Variants in ELAVL2 observed in about 807,000 individuals in gnomAD.
ELAVL2 encodes the protein ELAV like RNA binding protein 2, also known as ELAV-like protein 2.
A neutral mutation model predicts 34.6 loss-of-function variants in ELAVL2; 4 were observed. The ratio of observed to expected loss-of-function variants is 0.12; its 90% confidence interval spans 0.06 to 0.26. The LOEUF is 0.26. Ranked by LOEUF, ELAVL2 falls within the 10% of genes least tolerant of loss-of-function variation. The pLI is 1.00. For missense variants in ELAVL2, 432 were observed against 442.8 expected, an observed-to-expected ratio of 0.98 and a Z score of 0.22; for synonymous variants, 193 against 154.8, an observed-to-expected ratio of 1.25 and a Z score of -1.83.
intron 2 of ELAVL2, among the ~76,000 whole-genome samples, chr9:23,748,442 G>A (rs1470131943): frequency 1.3e-5 from 2 of 152,052 alleles, no homozygotes; most frequent in African/African-American, 2.4e-5. Flanking sequence ...AAGTATGAAG[G>A]CAGAGAAGAC....
intron 3 of ELAVL2, among the ~76,000 whole-genome samples, chr9:23,727,014 C>G (rs544997079): frequency 6.6e-6 from 1 of 152,180 alleles, no homozygotes; most frequent in South Asian, 2.1e-4. Context: ...ATTACTCCCC[C>G]ACCCCCATGC....
intron 5 of ELAVL2, among the ~76,000 whole-genome samples, chr9:23,695,676 G>A (rs2034903260): frequency 6.6e-6 from 1 of 152,138 alleles, no homozygotes; most frequent in Non-Finnish European, 1.5e-5. Context: ...ACATGTCACT[G>A]TACTGAATAC....
intron 1 of ELAVL2, chr9:23,821,817 T>C (rs1184525197): frequency 1.3e-5 from 2 of 151,382 alleles, no homozygotes; most frequent in Non-Finnish European, 3.0e-5. Context: ...ACTGCCTCAG[T>C]GACGCCCAGG....
intron 1 of ELAVL2, among the ~76,000 whole-genome samples, chr9:23,769,806 G>C (rs1380281205): frequency 1.3e-5 from 2 of 152,122 alleles, no homozygotes; most frequent in Admixed American, 1.3e-4. Flanking sequence ...CTGTCTCTTG[G>C]CCCTTTATGA....
In ELAVL2 at chr9:23,704,249, T is replaced by C. The variant is rs530632165; in HGVS notation, c.487+669A>G. ...GCCTGGCCAAGTATTGCTTTTATAA[T>C]AGAAAATTGTATCTGTATTTTATTT... On this transcript the variant is annotated intron_variant, in intron 4 of 6. Transcript: ENST00000397312. 5.3e-5 allele frequency among the ~76,000 whole-genome samples: 8 copies of C among 152,028 alleles called. No homozygotes were observed. The South Asian group carries it at 1.7e-3, about 32-fold the overall frequency.
chr9:23,724,895 A>G (rs900769680), intron 3 of ELAVL2, among the ~76,000 whole-genome samples: 11 of 152,106 alleles, frequency 7.2e-5, no homozygotes, highest in African/African-American at 2.4e-4. Context: ...GTCTGGATAA[A>G]TAACAGTTAT....
intron 2 of ELAVL2, among the ~76,000 whole-genome samples, chr9:23,749,680 G>A (rs895467772): frequency 1.3e-4 from 20 of 151,966 alleles, no homozygotes; most frequent in African/African-American, 4.6e-4. Context: ...GTGACTTTTG[G>A]GATATTGTTA....
chr9:23,837,538 G>A, the ELAVL2 span, among the ~76,000 whole-genome samples: 12,065 of 152,122 alleles, frequency 0.079, 875 homozygotes, highest in Admixed American at 0.18. Context: ...TACAGATAAG[G>A]AAACTGAGGA....
At chr9:23,826,266 A>G (rs1452826614), upstream of ELAVL2, 3 of 152,324 alleles carry the variant, frequency 2.0e-5, no homozygotes, top group Non-Finnish European at 4.4e-5. Flanking sequence ...TGGACCACAG[A>G]TTTATAGCAC....
At chr9:23,766,975 C>T (rs1588268113) in intron 1 of ELAVL2, among the ~76,000 whole-genome samples, 1 of 152,132 alleles carries the variant, frequency 6.6e-6, no homozygotes, top group African/African-American at 2.4e-5. Flanking sequence ...AATATATATT[C>T]TCCTCTTAAT....
At chr9:23,771,863 T>C (rs1362562819) in intron 1 of ELAVL2, among the ~76,000 whole-genome samples, 1 of 152,182 alleles carries the variant, frequency 6.6e-6, no homozygotes, top group South Asian at 2.1e-4. Context: ...GGTTAAGCCA[T>C]GAGATAACTC....
chr9:23,756,058 T>C (rs1016338744), intron 2 of ELAVL2, among the ~76,000 whole-genome samples: 9 of 152,136 alleles, frequency 5.9e-5, no homozygotes, highest in Non-Finnish European at 2.9e-5. Flanking sequence ...TCTGTTTCAA[T>C]CCTGAGGAGC....
intron 2 of ELAVL2, chr9:23,735,105 CAAAAAAAAAAAA>C: frequency 7.2e-5 from 2 of 27,952 alleles, no homozygotes; most frequent in African/African-American, 1.4e-4. Context: ...TAAGGCTCTT[CAAAAAAAAAAAA>C]AAAAAAAAAA....
At chr9:23,734,621 C>T (rs537372489) in intron 2 of ELAVL2, among the ~76,000 whole-genome samples, 13 of 152,256 alleles carry the variant, frequency 8.5e-5, no homozygotes, top group South Asian at 2.1e-4. Flanking sequence ...ACACTTTTAC[C>T]GCAAAAGTTG....
At chr9:23,770,424 A>G (rs899904392) in intron 1 of ELAVL2, among the ~76,000 whole-genome samples, 1 of 152,156 alleles carries the variant, frequency 6.6e-6, no homozygotes, top group Non-Finnish European at 1.5e-5. Flanking sequence ...GTTATGTTAC[A>G]TGACAAGGGG....
At position 23,701,436 on chromosome 9, in the gene ELAVL2, T is replaced by G; in HGVS notation, c.656A>C (p.Tyr219Ser). ...KTNQAILSQLYQSPNRRYPGP... is the reference protein window; with the variant it reads ...KTNQAILSQLSQSPNRRYPGP... The stretch of plus-strand genomic sequence containing the variant: ...TGGATACCTTCTGTTTGGAGACTGG[T>G]ACAGCTGGGAAAGGATGGCCTGATT... Residue 219 changes from tyrosine (Y) to serine (S), a missense_variant, in exon 5 of 7, where the codon TAC becomes TCC. Coordinates refer to ENST00000397312, the MANE Select transcript of ELAVL2 (RefSeq NM_004432.5). The G allele has an allele frequency of 1.2e-6, 2 of 1,614,130 alleles. No individual in the cohort carries two copies. The highest frequency in any genetic ancestry group is 1.7e-6 in the Non-Finnish European group (2 of 1,179,996).
At chr9:23,821,428 C>T (rs1474348458) in intron 1 of ELAVL2, 3 of 152,184 alleles carry the variant, frequency 2.0e-5, no homozygotes, top group African/African-American at 7.2e-5. Context: ...CTAGGAACTT[C>T]GCGGGCACAA....
At chr9:23,709,953 A>G (rs2040488200) in intron 3 of ELAVL2, among the ~76,000 whole-genome samples, 1 of 152,150 alleles carries the variant, frequency 6.6e-6, no homozygotes, top group Non-Finnish European at 1.5e-5. Context: ...TTTCTCACAA[A>G]AGCTACGAGT....
At chr9:23,769,896 G>C (rs78724101) in intron 1 of ELAVL2, among the ~76,000 whole-genome samples, 1 of 152,206 alleles carries the variant, frequency 6.6e-6, no homozygotes, top group African/African-American at 2.4e-5. Context: ...AGGTTCAAAA[G>C]CTTTGAGGTT....
Sources: allele counts gnomAD v4.1 joint callset (sites outside exome capture counted in the v4.1 genomes callset), GRCh38; gene constraint gnomAD v4.1.1; transcripts MANE v1.5; gene names NCBI Gene and HGNC (gene_info 2026-07-23, HGNC 2026-07-21).